Variants in MED12L observed in about 807,000 individuals in gnomAD.
MED12L encodes the protein mediator complex subunit 12L, also known as mediator of RNA polymerase II transcription subunit 12-like protein.
Under a neutral mutation model 281.3 loss-of-function variants are expected in MED12L, and 60 were observed. The ratio of observed to expected loss-of-function variants is 0.21; its 90% CI spans 0.17 to 0.26. The LOEUF is 0.26. MED12L is among the 10% of genes least tolerant of loss of function. MED12L has a pLI of 1.00. For synonymous variants in MED12L, 974 were observed against 987.2 expected (o/e 0.99, Z 0.25); for missense variants, 2,146 against 2,680.9 (o/e 0.80, Z 4.41).
chr3:151,101,351 A>T (rs1006773752), intron 2 of MED12L, among the ~76,000 whole-genome samples: 1 of 152,070 alleles, frequency 6.6e-6, no homozygotes, highest in African/African-American at 2.4e-5. Flanking sequence ...GGTACCTGTG[A>T]GGTGGTCATT....
intron 43 of MED12L, among the ~76,000 whole-genome samples, chr3:151,421,064 C>T (rs1341677465): frequency 6.6e-6 from 1 of 152,170 alleles, no homozygotes; most frequent in Non-Finnish European, 1.5e-5. Flanking sequence ...TCAGTGGTGG[C>T]CGTAGCCAGG....
chr3:151,409,345 G>T lies in MED12L; in HGVS notation c.5910+13G>T, dbSNP rs377715904. On this transcript the variant is annotated intron_variant, in intron 40 of 44. Transcript: ENST00000687756. ...GCAGCAAGCACAGGTACCCACATTT[G>T]CTTTGTAGGTACTGACAGGATTTTC... 3.1e-6 allele frequency: 5 copies of T among 1,612,642 alleles called. No individual in the cohort carries two copies. The highest frequency in any genetic ancestry group is 2.2e-5 in the East Asian group (1 of 44,870).
At chr3:151,214,376 C>T in intron 16 of MED12L, 1 of 1,375,102 alleles carries the variant, frequency 7.3e-7, no homozygotes, top group Non-Finnish European at 1.0e-6. Flanking sequence ...TCATAGGGCA[C>T]TTATGGCCTC....
intron 7 of MED12L, 39 bp downstream of exon 7, chr3:151,158,838 G>T: frequency 7.6e-7 from 1 of 1,307,536 alleles, no homozygotes; most frequent in Non-Finnish European, 1.1e-6. Context: ...GGTTTTATGG[G>T]CAAGAAATGA....
intron 16 of MED12L, chr3:151,338,004 T>G (rs1172105404): frequency 6.2e-7 from 1 of 1,614,132 alleles, no homozygotes. Context: ...CAGAGTGCTC[T>G]CTTTCACATA....
intron 39 of MED12L, among the ~76,000 whole-genome samples, chr3:151,400,565 T>C (rs375322846): frequency 1.6e-4 from 24 of 152,252 alleles, no homozygotes; most frequent in Admixed American, 9.8e-4. Context: ...GTCCCATCAT[T>C]TGTGTATCCA....
At chr3:151,246,464 C>A (rs926008317) in intron 16 of MED12L, among the ~76,000 whole-genome samples, 1 of 151,996 alleles carries the variant, frequency 6.6e-6, no homozygotes, top group African/African-American at 2.4e-5. Flanking sequence ...AGAAATAACG[C>A]CGCATATCTA....
rs1711573681 is a variant in MED12L at position 151,378,243 on chromosome 3, C to T, written c.4478+70C>T. 1.1e-5 allele frequency: 15 copies of T among 1,422,158 alleles called. No homozygotes were observed. In the South Asian group the frequency reaches 1.8e-4, roughly 17 times the overall value. The allele number at this position is 1,422,158 out of a possible 1,614,324, so 88.1% of individuals were successfully genotyped here. A position where few individuals can be genotyped will look rare whatever the true frequency, so the allele number is the denominator to read the frequency against. On this transcript the variant is annotated intron_variant, in intron 31 of 44. Transcript: ENST00000687756. ...TTGAGAAAGTCTCACTTCCTGTAAA[C>T]CTGTGTGGTCACTGTACCCACAGTC...
intron 38 of MED12L, among the ~76,000 whole-genome samples, chr3:151,391,569 A>G (rs1279908717): frequency 6.6e-6 from 1 of 152,192 alleles, no homozygotes. Context: ...TACACAAACA[A>G]TAGGCGATCA....
intron 16 of MED12L, chr3:151,269,592 A>G (rs1457957290): frequency 3.1e-6 from 1 of 322,292 alleles, no homozygotes; most frequent in African/African-American, 2.2e-5. Flanking sequence ...GCCATCCACA[A>G]GTGTCTACAT....
intron 16 of MED12L, among the ~76,000 whole-genome samples, chr3:151,340,200 TGG>T (rs754669262): frequency 4.6e-5 from 7 of 152,292 alleles, no homozygotes; most frequent in Admixed American, 1.3e-4. Context: ...TACTGCTGTG[TGG>T]TCTTAGTTCA....
intron 16 of MED12L, among the ~76,000 whole-genome samples, chr3:151,224,550 T>C (rs1559900469): frequency 1.3e-5 from 2 of 152,218 alleles, no homozygotes; most frequent in South Asian, 2.1e-4. Context: ...ACTAAAATAA[T>C]TTACAAATAA....
At chr3:151,383,024 A>G (rs553900841) in intron 33 of MED12L, among the ~76,000 whole-genome samples, 1 of 152,314 alleles carries the variant, frequency 6.6e-6, no homozygotes, top group East Asian at 1.9e-4. Flanking sequence ...AGTTTGTGCT[A>G]AGAATAAATC....
In MED12L at chr3:151,369,149, G is replaced by A. The variant is rs572307105; in HGVS notation, c.3551-287G>A. 1.0e-3 allele frequency among the ~76,000 whole-genome samples: 157 copies of A among 152,312 alleles called. 2 individuals carry two copies. The highest frequency in any genetic ancestry group is 2.4e-3 in the Admixed American group (36 of 15,296). Reference sequence around the variant, plus strand: ...TGCTCCTAAAGATCATTTCCATATAGATAGGCATGTGTCTGTGTGAGAATC... The same window carrying A: ...TGCTCCTAAAGATCATTTCCATATAAATAGGCATGTGTCTGTGTGAGAATC... On this transcript the variant is annotated intron_variant, in intron 25 of 44. Transcript: ENST00000687756.
chr3:151,419,505 G>A (rs1009294312), intron 43 of MED12L, among the ~76,000 whole-genome samples: 10 of 152,092 alleles, frequency 6.6e-5, no homozygotes, highest in East Asian at 1.9e-4. Context: ...TTAAGGGTGC[G>A]TCTGCCTTCC....
In MED12L at chr3:151,435,241, C is replaced by T. The variant is rs1720009419; in HGVS notation, c.*2437C>T. 2.0e-5 allele frequency: 1 copy of T among 49,964 alleles called. No individual in the cohort carries two copies. Among genetic ancestry groups the T allele is most frequent in the African/African-American group, 1.1e-4 (1 of 9,184 alleles). 3.1% of individuals were successfully genotyped at this position (49,964 alleles called of 1,614,324 possible). A position where few individuals can be genotyped will look rare whatever the true frequency, so the allele number is the denominator to read the frequency against. ...ACAAGACCTTGAAATCAAATGGAGT[C>T]AGCTATACCTATCAATCAATCACAG... On this transcript the variant is annotated 3_prime_UTR_variant, in exon 45 of 45. Transcript: ENST00000687756.
At chr3:151,291,150 GT>G (rs59482240) in intron 16 of MED12L, among the ~76,000 whole-genome samples, 17,012 of 127,316 alleles carry the variant, frequency 0.13, 1,370 homozygotes, top group African/African-American at 0.28. Flanking sequence ...CTTGTTTTCT[GT>G]TTTTTTTTTT....
chr3:151,116,943 CTT>C (rs1355928944), intron 3 of MED12L, among the ~76,000 whole-genome samples: 1 of 152,126 alleles, frequency 6.6e-6, no homozygotes, highest in African/African-American at 2.4e-5. Context: ...CTCTCTACCT[CTT>C]AGTAAGGTCT....
At chr3:151,417,486 C>CTTTT (rs1287791429) in intron 43 of MED12L, among the ~76,000 whole-genome samples, 38 of 56,122 alleles carry the variant, frequency 6.8e-4, no homozygotes, top group Middle Eastern at 0.015. Flanking sequence ...TCCCCCCCCG[C>CTTTT]CTTTTTTTTT....
Sources: allele counts gnomAD v4.1 joint callset (sites outside exome capture counted in the v4.1 genomes callset), GRCh38; gene constraint gnomAD v4.1.1; transcripts MANE v1.5; gene names NCBI Gene and HGNC (gene_info 2026-07-23, HGNC 2026-07-21).